The following ZNF462 variants were observed in gnomAD, a reference collection of about 807,000 sequenced individuals.
ZNF462 encodes the protein zinc finger protein 462, also known as zinc finger PBX1-interacting protein.
A neutral mutation model predicts 201.9 loss-of-function variants in ZNF462; 10 were observed. That is an observed-to-expected ratio of 0.05 (90% CI 0.03 to 0.08). The LOEUF (loss-of-function observed/expected upper bound fraction) is 0.08, where lower values mean the gene tolerates loss of function less well. Ranked by LOEUF, ZNF462 falls within the 10% of genes least tolerant of loss-of-function variation. ZNF462 has a pLI of 1.00. For synonymous variants in ZNF462, 1,227 were observed against 1,193.3 expected, an observed-to-expected ratio of 1.03 and a Z score of -0.58; for missense variants, 2,523 against 3,168.3, an observed-to-expected ratio of 0.80 and a Z score of 4.89.
In ZNF462 at chr9:106,974,227, C is replaced by T. The variant is rs1826822386; in HGVS notation, c.6786C>T (p.His2262=). 6.2e-7 allele frequency: 1 copy of T among 1,614,162 alleles called. No homozygotes were observed. The highest frequency in any genetic ancestry group is 1.7e-5 in the Admixed American group (1 of 60,032). The part of the protein sequence containing the change: ...KDLRCPLCLY[H]TKYKRNMIDH... Reference sequence around the variant, plus strand: ...TTCGCTGTCCTCTCTGCCTCTATCACACCAAATACAAGCGCAACATGATTG... The same window carrying T: ...TTCGCTGTCCTCTCTGCCTCTATCATACCAAATACAAGCGCAACATGATTG... The change falls in exon 9 of 13, where the codon CAC becomes CAT. Residue 2262 remains histidine, a synonymous_variant. Transcript: ENST00000277225. The surrounding 1 kb of genome is among the most constrained non-coding windows in gnomAD (Gnocchi z 4.0).
rs1830607551 is a variant in ZNF462 at position 106,935,803 on chromosome 9, C to G, written c.6235+182C>G. Among the ~76,000 whole-genome samples, 1 of 152,172 alleles carries G rather than the reference C, an allele frequency of 6.6e-6. No homozygotes were observed. The highest frequency in any genetic ancestry group is 6.5e-5 in the Admixed American group (1 of 15,280). The stretch of plus-strand genomic sequence containing the variant: ...AATAAAGAAAAAAGTAAAAGTTAAA[C>G]AAAATCACCTAAATCCAAAATAATA... On this transcript the variant is annotated intron_variant, in intron 6 of 12. Coordinates refer to ENST00000277225, the MANE Select transcript of ZNF462 (RefSeq NM_021224.6). The surrounding 1 kb of genome is among the most constrained non-coding windows in gnomAD (Gnocchi z 4.1).
Position 106,929,873 on chromosome 9 carries a change from C to T in ZNF462, c.5847+114C>T, listed in dbSNP as rs1830353692. 1 of 910,596 alleles carries T rather than the reference C, an allele frequency of 1.1e-6. No individual in the cohort carries two copies. Among genetic ancestry groups the T allele is most frequent in the African/African-American group, 1.7e-5 (1 of 59,174 alleles). 56.4% of individuals were successfully genotyped at this position (910,596 alleles called of 1,614,324 possible). A position where few individuals can be genotyped will look rare whatever the true frequency, so the allele number is the denominator to read the frequency against. ...CAGGCTTCCTAGTGACTTAGCTTGC[C>T]AGAGAGCTCAATAAGTCAATTAAAC... On this transcript the variant is annotated intron_variant, in intron 3 of 12. Coordinates refer to ENST00000277225, the MANE Select transcript of ZNF462 (RefSeq NM_021224.6). This position sits in a 1 kb window ranked among gnomAD's most constrained non-coding sequence, Gnocchi z 8.7.
Position 106,925,575 on chromosome 9 carries a change from T to TCACAGC in ZNF462, c.1673_1678dup (p.Gln558_Pro559dup). The TCACAGC allele has an allele frequency of 1.2e-6, 2 of 1,609,914 alleles. No homozygotes were observed. The highest frequency in any genetic ancestry group is 2.2e-5 in the South Asian group (2 of 90,832). On this transcript the variant is annotated inframe_insertion, in exon 3 of 13. Transcript: ENST00000277225. The surrounding 1 kb of genome is among the most constrained non-coding windows in gnomAD (Gnocchi z 7.9). Reference sequence around the variant, plus strand: ...ACCACCGCCGCCGCCACCACCACCATCACAGCCACAGCCACTGCAGCAGCC... The same window carrying TCACAGC: ...ACCACCGCCGCCGCCACCACCACCATCACAGCCACAGCCACAGCCACTGCAGCAGCC...
chr9:106,951,988 G>A, intron 7 of ZNF462, among the ~76,000 whole-genome samples: 1 of 152,200 alleles, frequency 6.6e-6, no homozygotes. Flanking sequence ...ACTGGAGCTA[G>A]TGAACATTAG....
Position 106,930,069 on chromosome 9 carries a change from C to T in ZNF462, c.5847+310C>T, listed in dbSNP as rs767194788. Among the ~76,000 whole-genome samples, 3 of 152,272 alleles carry T rather than the reference C, an allele frequency of 2.0e-5. No homozygotes were observed. Among genetic ancestry groups the T allele is most frequent in the Admixed American group, 6.5e-5 (1 of 15,298 alleles). ...TGAAGCCTAGTTTTACAACAACGCT[C>T]GCTCTTTCCTAAGGCAGTGTGGGCT... is the stretch of plus-strand genomic sequence containing the variant. On this transcript the variant is annotated intron_variant, in intron 3 of 12. Coordinates refer to ENST00000277225, the MANE Select transcript of ZNF462 (RefSeq NM_021224.6). This position sits in a 1 kb window ranked among gnomAD's most constrained non-coding sequence, Gnocchi z 5.8.
At chr9:106,937,542 T>A (rs2131603044) in intron 6 of ZNF462, among the ~76,000 whole-genome samples, 1 of 152,314 alleles carries the variant, frequency 6.6e-6, no homozygotes, top group South Asian at 2.1e-4. Flanking sequence ...AAATTAATTT[T>A]AAAAATACAT....
In ZNF462 at chr9:106,928,739, C is replaced by G; in HGVS notation, c.4827C>G (p.Ser1609=). Residue 1609 remains serine, a synonymous_variant, in exon 3 of 13, where the codon TCC becomes TCG. Coordinates refer to ENST00000277225, the MANE Select transcript of ZNF462 (RefSeq NM_021224.6). This position sits in a 1 kb window ranked among gnomAD's most constrained non-coding sequence, Gnocchi z 9.3. ...ATCAGCCTGAATTTGATGTCTTTTC[C>G]CAGTCGCCCCCGAAGCTGCCAGTCC... The part of the protein sequence containing the change: ...YHNQPEFDVF[S]QSPPKLPVPL... 6.2e-7 allele frequency: 1 copy of G among 1,614,086 alleles called. No individual in the cohort carries two copies.
At position 106,984,676 on chromosome 9, in the gene ZNF462, A is replaced by G. The variant is rs191708551; in HGVS notation, c.7056+267A>G. Among the ~76,000 whole-genome samples the G allele has an allele frequency of 1.2e-3, 182 of 152,346 alleles. 1 individual carries two copies. The highest frequency in any genetic ancestry group is 3.2e-4 in the Non-Finnish European group (22 of 68,026). ...CATTTCTGGTCTGTTCTCTAGACCC[A>G]CTTTCATTTGTTTTACGTAATTGTG... On this transcript the variant is annotated intron_variant, in intron 10 of 12. Transcript: ENST00000277225. This position sits in a 1 kb window ranked among gnomAD's most constrained non-coding sequence, Gnocchi z 6.4.
At chr9:106,911,556 A>G (rs1829549873) in intron 1 of ZNF462, among the ~76,000 whole-genome samples, 1 of 152,234 alleles carries the variant, frequency 6.6e-6, no homozygotes, top group Admixed American at 6.5e-5. Flanking sequence ...TTGCATTTCT[A>G]ACAAGTTCTT....
chr9:106,945,333 A>G (rs1428716808), intron 7 of ZNF462, among the ~76,000 whole-genome samples: 1 of 152,200 alleles, frequency 6.6e-6, no homozygotes, highest in Non-Finnish European at 1.5e-5. Flanking sequence ...AATGCTTGAC[A>G]ACTAAAAAAT....
chr9:106,993,012 A>T lies in ZNF462; in HGVS notation c.7056+8603A>T. Among the ~76,000 whole-genome samples, 1 of 152,164 alleles carries T rather than the reference A, an allele frequency of 6.6e-6. No homozygotes were observed. The highest frequency in any genetic ancestry group is 1.9e-4 in the East Asian group (1 of 5,188). ...ATAGACTTAGCAATTGGTTCCAAAC[A>T]GGGATTCACTTTTTTTCCCAGTAAA... On this transcript the variant is annotated intron_variant, in intron 10 of 12. Transcript: ENST00000277225. This position sits in a 1 kb window ranked among gnomAD's most constrained non-coding sequence, Gnocchi z 4.0.
intron 1 of ZNF462, among the ~76,000 whole-genome samples, chr9:106,881,607 T>C (rs1337406014): frequency 6.6e-6 from 1 of 152,212 alleles, no homozygotes; most frequent in Non-Finnish European, 1.5e-5. Context: ...TTTCTATAGG[T>C]AGAGCACTGT....
Position 106,925,535 on chromosome 9 carries a change from G to A in ZNF462, c.1623G>A (p.Gln541=). 1.9e-6 allele frequency: 3 copies of A among 1,613,188 alleles called. No individual in the cohort carries two copies. The highest frequency in any genetic ancestry group is 1.7e-6 in the Non-Finnish European group (2 of 1,179,698). The change falls in exon 3 of 13, where the codon CAG becomes CAA. Residue 541 remains glutamine (Q), a synonymous_variant. Coordinates refer to ENST00000277225, the MANE Select transcript of ZNF462 (RefSeq NM_021224.6). This position sits in a 1 kb window ranked among gnomAD's most constrained non-coding sequence, Gnocchi z 7.9. ...TGTTGGATCCCTTGCAGCAGCAACAGCCACCGCAGCCACCACCACCGCCGC... is the reference window on the plus strand; with the variant it reads ...TGTTGGATCCCTTGCAGCAGCAACAACCACCGCAGCCACCACCACCGCCGC... ...GVMLDPLQQQ[Q]PPQPPPPPPP...
At chr9:106,934,913 G>A (rs900513030) in intron 5 of ZNF462, among the ~76,000 whole-genome samples, 3 of 152,120 alleles carry the variant, frequency 2.0e-5, no homozygotes, top group Non-Finnish European at 4.4e-5. Flanking sequence ...TTTTGACCAC[G>A]TGGCTCCTTT....
chr9:106,965,564 G>A (rs1436195653), intron 7 of ZNF462, among the ~76,000 whole-genome samples: 1 of 152,004 alleles, frequency 6.6e-6, no homozygotes, highest in Non-Finnish European at 1.5e-5. Context: ...CCACAGGGAA[G>A]GGAGAAATCT....
chr9:106,932,365 C>T lies in ZNF462; in HGVS notation c.6013-81C>T, dbSNP rs765465646. The stretch of plus-strand genomic sequence containing the variant: ...CCGGGTGGATGGTGAACACTGCTTG[C>T]TTGATGGAATGTTGGAGGATGAAAC... On this transcript the variant is annotated intron_variant, in intron 4 of 12. Coordinates refer to ENST00000277225, the MANE Select transcript of ZNF462 (RefSeq NM_021224.6). The surrounding 1 kb of genome is among the most constrained non-coding windows in gnomAD (Gnocchi z 6.8). The T allele has an allele frequency of 5.9e-5, 94 of 1,599,700 alleles. No homozygotes were observed. The highest frequency in any genetic ancestry group is 7.6e-5 in the Non-Finnish European group (89 of 1,172,814).
At chr9:106,999,245 T>C (rs1828986948) in intron 10 of ZNF462, among the ~76,000 whole-genome samples, 1 of 152,050 alleles carries the variant, frequency 6.6e-6, no homozygotes, top group Non-Finnish European at 1.5e-5. Context: ...CAATATGTCA[T>C]CTGCATCATC....
intron 1 of ZNF462, among the ~76,000 whole-genome samples, chr9:106,884,067 T>C (rs570818318): frequency 4.9e-4 from 74 of 152,306 alleles, no homozygotes; most frequent in African/African-American, 1.7e-3. Context: ...CATAAACTTG[T>C]GGTATGCAGC....
In ZNF462 at chr9:106,951,643, C is replaced by G. The variant is rs181376248; in HGVS notation, c.6427+12536C>G. ...CACAGCACTAGCCCAGGCAGAGCAG[C>G]TTTCACTGTGCTCCTGGGCTTCCTG... On this transcript the variant is annotated intron_variant, in intron 7 of 12. Transcript: ENST00000277225. 9.1e-3 allele frequency among the ~76,000 whole-genome samples: 1,388 copies of G among 152,234 alleles called. 22 individuals are homozygous for G. Among genetic ancestry groups the G allele is most frequent in the African/African-American group, 0.032 (1,311 of 41,530 alleles).
Sources: gnomAD v4.1 joint callset for allele counts (sites outside exome capture counted in the v4.1 genomes callset) on GRCh38, gnomAD v4.1.1 for gene constraint, Gnocchi (gnomAD v3.1) non-coding constraint, MANE v1.5 for transcripts, NCBI Gene and HGNC (gene_info 2026-07-23, HGNC 2026-07-21) for gene names.